EVI5: variants seen among roughly 807,000 people sequenced by gnomAD.
EVI5 encodes the protein ecotropic viral integration site 5.
In EVI5, 73 loss-of-function variants were observed where a neutral mutation model predicts 112.0. The observed-to-expected ratio is 0.65, with a 90% CI of 0.54 to 0.79. The LOEUF is 0.79. EVI5 is among the 30% of genes least tolerant of loss of function. EVI5 has a pLI of 0.00. For synonymous variants in EVI5, 305 were observed against 319.9 expected (o/e 0.95, Z 0.50); for missense variants, 900 against 968.8 (o/e 0.93, Z 0.94).
intron 13 of EVI5, among the ~76,000 whole-genome samples, chr1:92,661,571 T>C (rs1340747408): frequency 6.6e-6 from 1 of 152,156 alleles, no homozygotes; most frequent in Non-Finnish European, 1.5e-5. Context: ...AATTGTTTTT[T>C]TCTTTTTAAT....
At chr1:92,619,685 C>A (rs770785404) in intron 16 of EVI5, among the ~76,000 whole-genome samples, 5 of 151,260 alleles carry the variant, frequency 3.3e-5, no homozygotes, top group Non-Finnish European at 7.4e-5. Flanking sequence ...TTTGGGGAGG[C>A]TGAGATGGGA....
intron 1 of EVI5, among the ~76,000 whole-genome samples, chr1:92,763,029 C>A (rs1280675255): frequency 6.6e-6 from 1 of 151,124 alleles, no homozygotes; most frequent in East Asian, 2.0e-4. Flanking sequence ...ACCTTGAAGG[C>A]CAAGGTAGGA....
chr1:92,761,057 CA>C (rs35833050), intron 1 of EVI5, among the ~76,000 whole-genome samples: 16 of 106,212 alleles, frequency 1.5e-4, no homozygotes, highest in Middle Eastern at 5.0e-3. Context: ...GGCTCCATCT[CA>C]AAAAAAAAAA....
At chr1:92,561,649 CTAT>C (rs1668639938) in intron 19 of EVI5, among the ~76,000 whole-genome samples, 20 of 149,656 alleles carry the variant, frequency 1.3e-4, no homozygotes, top group African/African-American at 4.9e-4. Context: ...ATCTATCTAT[CTAT>C]CTATCTATCT....
chr1:92,687,267 C>G (rs1668713812), intron 9 of EVI5, among the ~76,000 whole-genome samples: 2 of 152,060 alleles, frequency 1.3e-5, no homozygotes, highest in Admixed American at 6.5e-5. Context: ...TTTGACAAAC[C>G]TGACAAAAAC....
intron 19 of EVI5, among the ~76,000 whole-genome samples, chr1:92,537,834 G>A: frequency 6.7e-6 from 1 of 150,286 alleles, no homozygotes; most frequent in East Asian, 1.9e-4. Flanking sequence ...AATAATACTA[G>A]GTACATAATG....
intron 16 of EVI5, among the ~76,000 whole-genome samples, chr1:92,609,409 G>GTGCTCAGGCTGGAA (rs905626796): frequency 6.6e-6 from 1 of 151,792 alleles, no homozygotes; most frequent in Non-Finnish European, 1.5e-5. Flanking sequence ...TCAGGCTGGA[G>GTGCTCAGGCTGGAA]TGCAGTGGCA....
At chr1:92,531,562 G>A (rs1662869405) in intron 19 of EVI5, among the ~76,000 whole-genome samples, 1 of 152,174 alleles carries the variant, frequency 6.6e-6, no homozygotes, top group Non-Finnish European at 1.5e-5. Flanking sequence ...CCCACAAAGG[G>A]AAGTCCATCA....
intron 19 of EVI5, among the ~76,000 whole-genome samples, chr1:92,519,748 T>C (rs1052010483): frequency 6.6e-6 from 1 of 151,298 alleles, no homozygotes; most frequent in Non-Finnish European, 1.5e-5. Flanking sequence ...ATACAAAAAT[T>C]AGTTGGGTGT....
intron 19 of EVI5, among the ~76,000 whole-genome samples, chr1:92,551,794 A>G (rs749922628): frequency 1.8e-4 from 27 of 152,088 alleles, no homozygotes; most frequent in Admixed American, 3.9e-4. Context: ...GTAAAAAACT[A>G]TAAAACCTGT....
chr1:92,705,279 T>C (rs1671787683), intron 2 of EVI5, among the ~76,000 whole-genome samples: 1 of 152,242 alleles, frequency 6.6e-6, no homozygotes, highest in East Asian at 1.9e-4. Flanking sequence ...GTGTAAAAAC[T>C]GAGCTATTAC....
chr1:92,603,187 C>A lies in EVI5; in HGVS notation c.2070+2120G>T, dbSNP rs565263534. Among the ~76,000 whole-genome samples the A allele has an allele frequency of 2.6e-5, 4 of 152,246 alleles. No individual in the cohort carries two copies. In the South Asian group the frequency reaches 8.3e-4, roughly 32 times the overall value. ...ATTAGGATGGTACTTATAAAAACAA[C>A]AACAGAAAATTAACAAGTGTTGGTG... On this transcript the variant is annotated intron_variant, in intron 18 of 19. Coordinates refer to ENST00000684568, the MANE Select transcript of EVI5 (RefSeq NM_001350197.2).
intron 10 of EVI5, among the ~76,000 whole-genome samples, chr1:92,667,378 G>C (rs900631688): frequency 6.6e-6 from 1 of 151,890 alleles, no homozygotes; most frequent in East Asian, 1.9e-4. Context: ...AAAATACAAA[G>C]AATTTATTAA....
intron 2 of EVI5, among the ~76,000 whole-genome samples, chr1:92,726,916 T>C (rs1675655523): frequency 6.6e-6 from 1 of 152,102 alleles, no homozygotes; most frequent in Admixed American, 6.6e-5. Flanking sequence ...AAATAACAGT[T>C]ATAGCTTATA....
intron 1 of EVI5, chr1:92,774,115 A>G (rs905797278): frequency 6.6e-6 from 1 of 152,192 alleles, no homozygotes; most frequent in Non-Finnish European, 1.5e-5. Flanking sequence ...GACCACAGTT[A>G]AGTAAAACTG....
chr1:92,720,218 A>G (rs1209921434), intron 2 of EVI5, among the ~76,000 whole-genome samples: 2 of 151,998 alleles, frequency 1.3e-5, no homozygotes, highest in East Asian at 3.8e-4. Context: ...ACATTGCCGA[A>G]ACAATCCTAA....
rs1302708089 is a variant in EVI5 at position 92,690,349 on chromosome 1, A to G, written c.1097+3453T>C. Among the ~76,000 whole-genome samples the G allele has an allele frequency of 1.0e-4, 7 of 69,522 alleles. No homozygotes were observed. The East Asian group carries it at 4.1e-3, about 41-fold the overall frequency. 45.6% of individuals were successfully genotyped at this position (69,522 alleles called of 152,430 possible). A position where few individuals can be genotyped will look rare whatever the true frequency, so the allele number is the denominator to read the frequency against. On this transcript the variant is annotated intron_variant, in intron 9 of 19. Coordinates refer to ENST00000684568, the MANE Select transcript of EVI5 (RefSeq NM_001350197.2). ...TAACATGAAAAGTATCCCCAATGAT[A>G]CTTTTTTTTTTTTTTTGGAGACAGG...
intron 18 of EVI5, among the ~76,000 whole-genome samples, chr1:92,599,854 G>T (rs1648737742): frequency 6.6e-6 from 1 of 152,144 alleles, no homozygotes; most frequent in Admixed American, 6.5e-5. Flanking sequence ...GAGAGATGAA[G>T]CTACAAATTC....
chr1:92,754,742 G>T (rs1434038159), intron 1 of EVI5, among the ~76,000 whole-genome samples: 1 of 152,168 alleles, frequency 6.6e-6, no homozygotes, highest in East Asian at 1.9e-4. Flanking sequence ...ACATGATTTA[G>T]CTTCATAAGT....
Sources: allele counts gnomAD v4.1 joint callset (sites outside exome capture counted in the v4.1 genomes callset), GRCh38; gene constraint gnomAD v4.1.1; transcripts MANE v1.5; gene names NCBI Gene and HGNC (gene_info 2026-07-23, HGNC 2026-07-21).